PPAT: variants seen among roughly 807,000 people sequenced by gnomAD.
The protein encoded by PPAT is amidophosphoribosyltransferase.
A neutral mutation model predicts 60.2 loss-of-function variants in PPAT; 20 were observed. The observed-to-expected ratio is 0.33, with a 90% CI of 0.23 to 0.48. The LOEUF is 0.48. Among genes scored for constraint, PPAT ranks in the 20% least tolerant of loss-of-function variants. The pLI, the probability that PPAT is intolerant of heterozygous loss-of-function variation, is 0.99. For synonymous variants in PPAT, 194 were observed against 215.1 expected (o/e 0.90, Z 0.86); for missense variants, 349 against 629.6 (o/e 0.55, Z 4.77).
intron 1 of PPAT, among the ~76,000 whole-genome samples, chr4:56,414,595 T>C (rs112847316): frequency 6.6e-6 from 1 of 152,234 alleles, no homozygotes; most frequent in African/African-American, 2.4e-5. Context: ...AGTTTTAGGA[T>C]TCATGCTGTG....
chr4:56,395,666 CCTTT>C (rs1715951876), intron 10 of PPAT, 118 bp from the exon 11 acceptor site: 2 of 688,892 alleles, frequency 2.9e-6, no homozygotes, highest in Non-Finnish European at 4.0e-6. Flanking sequence ...TCTCCTTTAG[CCTTT>C]CTTTAAAAAA....
At chr4:56,403,259 G>C (rs1716162990) in intron 4 of PPAT, 30 bp downstream of exon 4, 1 of 1,598,772 alleles carries the variant, frequency 6.3e-7, no homozygotes, top group Non-Finnish European at 8.6e-7. Flanking sequence ...CCTTACTAGA[G>C]CTCTAAGTTT....
At chr4:56,432,997 T>TTA (rs370961590) in intron 1 of PPAT, among the ~76,000 whole-genome samples, 10,720 of 148,390 alleles carry the variant, frequency 0.072, 575 homozygotes, top group African/African-American at 0.13. Context: ...CACACGTATT[T>TTA]TATATATATA....
rs1046545546 is a variant in PPAT, at chr4:56,393,759, G to T, written c.*1593C>A. ...CTCTTGTTTTAAAAATCAAAGTAAG[G>T]CCAGTTCAAAATTGACCCACAGGTC... On this transcript the variant is annotated 3_prime_UTR_variant, in exon 11 of 11. Coordinates refer to ENST00000264220, the MANE Select transcript of PPAT (RefSeq NM_002703.5). 8 of 152,648 alleles carry T rather than the reference G, an allele frequency of 5.2e-5. No homozygotes were observed. Among genetic ancestry groups the T allele is most frequent in the Middle Eastern group, 3.4e-3 (1 of 294 alleles). 9.5% of individuals were successfully genotyped at this position (152,648 alleles called of 1,614,324 possible).
intron 7 of PPAT, 113 bp from the exon 8 acceptor site, chr4:56,401,024 A>T: frequency 2.8e-6 from 3 of 1,086,636 alleles, no homozygotes; most frequent in Non-Finnish European, 2.6e-6. Context: ...GAAATGCAAT[A>T]TATACAAAAA....
chr4:56,398,719 G>A (rs1716043541), intron 9 of PPAT, among the ~76,000 whole-genome samples: 1 of 152,146 alleles, frequency 6.6e-6, no homozygotes, highest in African/African-American at 2.4e-5. Context: ...CAAAGTGCTG[G>A]AATTATAGGC....
At chr4:56,398,512 T>C (rs1716038635) in intron 9 of PPAT, among the ~76,000 whole-genome samples, 1 of 151,856 alleles carries the variant, frequency 6.6e-6, no homozygotes, top group Non-Finnish European at 1.5e-5. Context: ...TTTTTTGAGA[T>C]CACTTCGGCT....
In PPAT at chr4:56,432,468, A is replaced by G. The variant is rs1717637377; in HGVS notation, c.128+2882T>C. 2.7e-5 allele frequency among the ~76,000 whole-genome samples: 4 copies of G among 148,714 alleles called. No homozygotes were observed. In the South Asian group the frequency reaches 8.7e-4, roughly 32 times the overall value. On this transcript the variant is annotated intron_variant, in intron 1 of 10. Transcript: ENST00000264220. ...TTGAACTTGGGAAACGGAGGTTGCA[A>G]TGAGCCCAGATCATACCACTCCACT...
chr4:56,405,406 CT>C (rs1716220348), intron 3 of PPAT, among the ~76,000 whole-genome samples: 1 of 152,150 alleles, frequency 6.6e-6, no homozygotes, highest in African/African-American at 2.4e-5. Context: ...GATAGGTGTC[CT>C]TTTGTATGCT....
At chr4:56,411,667 A>C (rs575829715) in intron 1 of PPAT, among the ~76,000 whole-genome samples, 1 of 152,338 alleles carries the variant, frequency 6.6e-6, no homozygotes, top group South Asian at 2.1e-4. Context: ...AATTATTCAA[A>C]AATCTGTAAT....
chr4:56,403,201 T>C lies in PPAT; in HGVS notation c.516-16A>G. On this transcript the variant is annotated splice_polypyrimidine_tract_variant and intron_variant, in intron 4 of 10. Coordinates refer to ENST00000264220, the MANE Select transcript of PPAT (RefSeq NM_002703.5). ...GTTTTTAATCCTGGAATTAATTAAATAATTGAATGAATAACTTCAGTTATA... is the reference window on the plus strand; with the variant it reads ...GTTTTTAATCCTGGAATTAATTAAACAATTGAATGAATAACTTCAGTTATA... The C allele has an allele frequency of 6.3e-7, 1 of 1,577,226 alleles. No homozygotes were observed. The highest frequency in any genetic ancestry group is 2.2e-5 in the East Asian group (1 of 44,762).
At chr4:56,417,574 A>C (rs1716823236) in intron 1 of PPAT, among the ~76,000 whole-genome samples, 1 of 152,168 alleles carries the variant, frequency 6.6e-6, no homozygotes, top group Non-Finnish European at 1.5e-5. Context: ...TGAGACCAGG[A>C]GTTCGAGACT....
intron 1 of PPAT, among the ~76,000 whole-genome samples, chr4:56,417,842 GTTT>G (rs35004501): frequency 3.7e-5 from 5 of 136,156 alleles, no homozygotes; most frequent in East Asian, 4.2e-4. Context: ...TTGGTTTTTT[GTTT>G]TTTTTTTTTT....
At chr4:56,431,006 G>T (rs1043615604) in intron 1 of PPAT, among the ~76,000 whole-genome samples, 2 of 151,788 alleles carry the variant, frequency 1.3e-5, no homozygotes, top group Admixed American at 6.6e-5. Context: ...AAAAAAAAAA[G>T]TTATAAATGG....
At chr4:56,408,704 A>T (rs746490424) in intron 1 of PPAT, among the ~76,000 whole-genome samples, 1 of 149,968 alleles carries the variant, frequency 6.7e-6, no homozygotes, top group African/African-American at 2.5e-5. Flanking sequence ...CAGTGAGCTG[A>T]GATCGCGCCA....
At chr4:56,434,776 A>G (rs780562396) in intron 1 of PPAT, among the ~76,000 whole-genome samples, 5 of 152,242 alleles carry the variant, frequency 3.3e-5, no homozygotes, top group Non-Finnish European at 7.3e-5. Context: ...GTCATTCTCA[A>G]CATCAACTAG....
chr4:56,418,069 C>A (rs1716861172), intron 1 of PPAT, among the ~76,000 whole-genome samples: 1 of 152,052 alleles, frequency 6.6e-6, no homozygotes, highest in African/African-American at 2.4e-5. Context: ...GATCTCCTGA[C>A]CTCGTGATCC....
intron 1 of PPAT, among the ~76,000 whole-genome samples, chr4:56,424,313 C>A (rs899911762): frequency 2.0e-5 from 3 of 151,778 alleles, no homozygotes; most frequent in African/African-American, 7.2e-5. Flanking sequence ...AGGTTTTGAT[C>A]TAGCAGGTTG....
At chr4:56,421,975 A>C (rs1230602123) in intron 1 of PPAT, 1 of 152,232 alleles carries the variant, frequency 6.6e-6, no homozygotes, top group Non-Finnish European at 1.5e-5. Flanking sequence ...ATTAGAGTTT[A>C]AAACACAATT....
Sources: gnomAD v4.1 joint callset for allele counts (sites outside exome capture counted in the v4.1 genomes callset) on GRCh38, gnomAD v4.1.1 for gene constraint, MANE v1.5 for transcripts, NCBI Gene and HGNC (gene_info 2026-07-23, HGNC 2026-07-21) for gene names.